The following LINGO2 variants were observed in gnomAD, a reference collection of about 807,000 sequenced individuals.
LINGO2 encodes the protein leucine-rich repeat and immunoglobulin-like domain-containing nogo receptor-interacting protein 2.
LINGO2 carries 14 observed loss-of-function variants against 30.6 expected under a neutral mutation model. That is an observed-to-expected ratio of 0.46 (90% CI 0.30 to 0.72). The LOEUF is 0.72. LINGO2 is among the 30% of genes least tolerant of loss of function. The probability of loss-of-function intolerance (pLI) is 0.07; values close to 1 mark genes in which losing one functional copy is unlikely to be tolerated. For synonymous variants in LINGO2, 317 were observed against 288.5 expected, an observed-to-expected ratio of 1.10 and a Z score of -1.00; for missense variants, 729 against 751.7, an observed-to-expected ratio of 0.97 and a Z score of 0.35.
chr9:28,252,664 T>C (rs960794665), intron 4 of LINGO2, among the ~76,000 whole-genome samples: 1 of 151,936 alleles, frequency 6.6e-6, no homozygotes, highest in African/African-American at 2.4e-5. Flanking sequence ...GAATAGTATA[T>C]ATAGTACAAA....
the LINGO2 span, among the ~76,000 whole-genome samples, chr9:29,032,302 C>G: frequency 2.0e-5 from 3 of 152,138 alleles, no homozygotes; most frequent in African/African-American, 7.2e-5. Context: ...GGCTTTATGT[C>G]TGACATTCCT....
chr9:27,958,121 G>A (rs1490945880), intron 5 of LINGO2, among the ~76,000 whole-genome samples: 1 of 152,070 alleles, frequency 6.6e-6, no homozygotes, highest in Admixed American at 6.6e-5. Flanking sequence ...ATTGGGAAGT[G>A]TTTTTTCTTA....
intron 1 of LINGO2, among the ~76,000 whole-genome samples, chr9:28,562,539 A>G (rs1005240511): frequency 2.0e-5 from 3 of 151,140 alleles, no homozygotes; most frequent in Non-Finnish European, 2.9e-5. Flanking sequence ...TGTTTCCTTC[A>G]CAGAGTTATA....
chr9:28,089,048 C>A (rs1825997883), intron 4 of LINGO2, among the ~76,000 whole-genome samples: 2 of 152,128 alleles, frequency 1.3e-5, no homozygotes, highest in Admixed American at 6.6e-5. Flanking sequence ...AATGCAGGAG[C>A]ACCCAGATTC....
At chr9:28,538,791 C>A (rs1001780904) in intron 1 of LINGO2, among the ~76,000 whole-genome samples, 1 of 152,016 alleles carries the variant, frequency 6.6e-6, no homozygotes, top group Non-Finnish European at 1.5e-5. Flanking sequence ...GAAACACCTC[C>A]CGAAAGTCCC....
chr9:29,079,672 T>C, the LINGO2 span, among the ~76,000 whole-genome samples: 3 of 151,972 alleles, frequency 2.0e-5, no homozygotes, highest in African/African-American at 7.2e-5. Context: ...AAGAGCTCCA[T>C]TGCCTACAGG....
chr9:29,125,240 T>A, the LINGO2 span, among the ~76,000 whole-genome samples: 3 of 151,808 alleles, frequency 2.0e-5, no homozygotes, highest in Non-Finnish European at 4.4e-5. Flanking sequence ...GAGGGGAATA[T>A]CACACACCAA....
At chr9:28,752,740 T>G in the LINGO2 span, among the ~76,000 whole-genome samples, 78 of 152,030 alleles carry the variant, frequency 5.1e-4, 1 homozygote, top group African/African-American at 1.8e-3. Flanking sequence ...ATCTTAACCC[T>G]CCTCATCTTA....
the LINGO2 span, among the ~76,000 whole-genome samples, chr9:28,797,646 T>C: frequency 6.6e-6 from 1 of 151,994 alleles, no homozygotes; most frequent in Non-Finnish European, 1.5e-5. Flanking sequence ...AGGATATGAG[T>C]TCAATTTTGG....
At chr9:28,053,014 G>A (rs963370832) in intron 4 of LINGO2, among the ~76,000 whole-genome samples, 1 of 152,040 alleles carries the variant, frequency 6.6e-6, no homozygotes, top group African/African-American at 2.4e-5. Flanking sequence ...GACCAATATA[G>A]GTATGTTTTC....
the LINGO2 span, among the ~76,000 whole-genome samples, chr9:29,076,337 T>G: frequency 6.6e-6 from 1 of 151,880 alleles, no homozygotes; most frequent in Non-Finnish European, 1.5e-5. Context: ...GAAAAATCCT[T>G]TAGCCTTTCT....
At chr9:28,542,765 T>C (rs1587829702) in intron 1 of LINGO2, among the ~76,000 whole-genome samples, 1 of 152,056 alleles carries the variant, frequency 6.6e-6, no homozygotes, top group Non-Finnish European at 1.5e-5. Context: ...TCGTGATTCA[T>C]GAGAGCAGTG....
the LINGO2 span, among the ~76,000 whole-genome samples, chr9:29,165,360 A>C: frequency 1.3e-5 from 2 of 152,134 alleles, no homozygotes; most frequent in South Asian, 4.1e-4. Flanking sequence ...TGAAAAGAGC[A>C]AAGTGTCTGT....
intron 4 of LINGO2, among the ~76,000 whole-genome samples, chr9:28,236,409 G>A (rs1186751293): frequency 2.0e-5 from 3 of 152,104 alleles, no homozygotes; most frequent in Admixed American, 2.0e-4. Flanking sequence ...CTAATAGTAA[G>A]CACAAAGAAA....
intron 4 of LINGO2, among the ~76,000 whole-genome samples, chr9:28,282,445 A>G (rs1587384431): frequency 6.6e-6 from 1 of 151,224 alleles, no homozygotes; most frequent in East Asian, 1.9e-4. Context: ...CAAATCATGT[A>G]TTTCAGAAGG....
chr9:28,592,393 C>T (rs1339014258), intron 1 of LINGO2, among the ~76,000 whole-genome samples: 8 of 151,956 alleles, frequency 5.3e-5, no homozygotes, highest in Admixed American at 5.3e-4. Flanking sequence ...GGCTTCAAAC[C>T]CCAGAGTTGA....
intron 4 of LINGO2, among the ~76,000 whole-genome samples, chr9:28,033,843 T>G (rs886358125): frequency 1.3e-5 from 2 of 152,220 alleles, no homozygotes; most frequent in Non-Finnish European, 2.9e-5. Context: ...AAGTCATGTA[T>G]AGTTCACTTG....
intron 1 of LINGO2, among the ~76,000 whole-genome samples, chr9:28,584,856 ATAAC>A (rs1186256342): frequency 3.9e-5 from 6 of 152,080 alleles, no homozygotes; most frequent in African/African-American, 7.2e-5. Flanking sequence ...AATGGACAAA[ATAAC>A]TAAATAAGGC....
chr9:27,974,670 G>A (rs1174024114), intron 5 of LINGO2, among the ~76,000 whole-genome samples: 3 of 152,050 alleles, frequency 2.0e-5, no homozygotes, highest in Non-Finnish European at 4.4e-5. Context: ...CTGAATGGAC[G>A]TTTTGACCAT....
Sources: gnomAD v4.1 joint callset for allele counts (sites outside exome capture counted in the v4.1 genomes callset) on GRCh38, gnomAD v4.1.1 for gene constraint, MANE v1.5 for transcripts, NCBI Gene and HGNC (gene_info 2026-07-23, HGNC 2026-07-21) for gene names.